Variants in SYNJ2BP observed in about 807,000 individuals in gnomAD.
The protein encoded by SYNJ2BP is synaptojanin-2-binding protein.
Under a neutral mutation model 16.9 loss-of-function variants are expected in SYNJ2BP, and 10 were observed. That is an observed-to-expected ratio of 0.59 (90% confidence interval 0.36 to 1.00). The LOEUF (loss-of-function observed/expected upper bound fraction) is 1.00. SYNJ2BP is among the 50% of genes least tolerant of loss of function. The pLI is 0.01. For synonymous variants in SYNJ2BP, 54 were observed against 68.4 expected, an observed-to-expected ratio of 0.79 and a Z score of 1.04; for missense variants, 162 against 186.7, an observed-to-expected ratio of 0.87 and a Z score of 0.77.
chr14:70,397,269 T>A (rs959855725), intron 1 of SYNJ2BP, among the ~76,000 whole-genome samples: 3 of 152,160 alleles, frequency 2.0e-5, no homozygotes, highest in African/African-American at 7.2e-5. Flanking sequence ...GTGTTCTATA[T>A]ATATATATAC....
intron 1 of SYNJ2BP, among the ~76,000 whole-genome samples, chr14:70,412,673 A>G (rs995282874): frequency 9.3e-5 from 14 of 151,294 alleles, no homozygotes; most frequent in Non-Finnish European, 4.4e-5. Context: ...TTTAGTATTC[A>G]TTATTAAAAC....
At chr14:70,392,981 C>G (rs1175525881) in intron 1 of SYNJ2BP, among the ~76,000 whole-genome samples, 1 of 152,122 alleles carries the variant, frequency 6.6e-6, no homozygotes, top group Non-Finnish European at 1.5e-5. Context: ...AATTAAAGAG[C>G]TTTTGCTCAG....
intron 1 of SYNJ2BP, among the ~76,000 whole-genome samples, chr14:70,398,206 A>G (rs1302045480): frequency 6.6e-6 from 1 of 152,162 alleles, no homozygotes; most frequent in Admixed American, 6.5e-5. Flanking sequence ...CGACTGGTCC[A>G]TGGGCAGCCA....
At chr14:70,376,824 T>C (rs957932800) in intron 2 of SYNJ2BP, among the ~76,000 whole-genome samples, 5 of 152,226 alleles carry the variant, frequency 3.3e-5, no homozygotes, top group South Asian at 2.1e-4. Flanking sequence ...TGCACTGTTA[T>C]TCTTCCATCT....
intron 2 of SYNJ2BP, among the ~76,000 whole-genome samples, chr14:70,384,711 C>T (rs1279522708): frequency 6.9e-6 from 1 of 144,030 alleles, no homozygotes; most frequent in Non-Finnish European, 1.5e-5. Context: ...CTTCCCCCTA[C>T]TCTCTCTCTC....
intron 1 of SYNJ2BP, among the ~76,000 whole-genome samples, chr14:70,395,002 A>T (rs1888060301): frequency 6.6e-6 from 1 of 152,216 alleles, no homozygotes; most frequent in Non-Finnish European, 1.5e-5. Flanking sequence ...TCTTTGCAGA[A>T]AATATAAACT....
In SYNJ2BP at chr14:70,372,057, T is replaced by A. The variant is rs1188286497; in HGVS notation, c.*934A>T. On this transcript the variant is annotated 3_prime_UTR_variant, in exon 4 of 4. Coordinates refer to ENST00000256366, the MANE Select transcript of SYNJ2BP (RefSeq NM_018373.3). ...CGCTGGATTATGGCAATTTACCTTA[T>A]AATAACTCACCATAGTTGGCTGTTA... 6.6e-6 allele frequency: 1 copy of A among 152,224 alleles called. No homozygotes were observed. Among genetic ancestry groups the A allele is most frequent in the Non-Finnish European group, 1.5e-5 (1 of 68,038 alleles). The allele number at this position is 152,224 out of a possible 1,614,324, so 9.4% of individuals were successfully genotyped here.
intron 1 of SYNJ2BP, among the ~76,000 whole-genome samples, chr14:70,390,543 C>T (rs1226354335): frequency 1.3e-5 from 2 of 152,048 alleles, no homozygotes; most frequent in Non-Finnish European, 2.9e-5. Context: ...TGGCAGGCAC[C>T]TGTAGTCCCA....
At chr14:70,383,457 A>G (rs577939108) in intron 2 of SYNJ2BP, among the ~76,000 whole-genome samples, 1 of 152,314 alleles carries the variant, frequency 6.6e-6, no homozygotes, top group African/African-American at 2.4e-5. Flanking sequence ...TCATTCACCA[A>G]ATTAAAAACT....
intron 2 of SYNJ2BP, among the ~76,000 whole-genome samples, chr14:70,382,273 T>C (rs758113693): frequency 1.3e-5 from 2 of 152,102 alleles, no homozygotes; most frequent in African/African-American, 4.8e-5. Flanking sequence ...TGTTTATTTT[T>C]TAAAAAGTGA....
At chr14:70,393,405 G>T (rs1421273481) in intron 1 of SYNJ2BP, among the ~76,000 whole-genome samples, 1 of 152,160 alleles carries the variant, frequency 6.6e-6, no homozygotes, top group Admixed American at 6.5e-5. Context: ...GATTCCTCAA[G>T]GATCTAGAAG....
intron 1 of SYNJ2BP, among the ~76,000 whole-genome samples, chr14:70,405,869 G>A (rs1346744930): frequency 6.6e-6 from 1 of 152,102 alleles, no homozygotes; most frequent in East Asian, 1.9e-4. Context: ...GTCTTTATTA[G>A]GTCTTTTGAT....
chr14:70,415,223 T>G (rs1194825599), intron 1 of SYNJ2BP, among the ~76,000 whole-genome samples: 1 of 148,962 alleles, frequency 6.7e-6, no homozygotes, highest in African/African-American at 2.5e-5. Context: ...TATATTCCGA[T>G]AAGTAAAACC....
At chr14:70,393,451 GGTAT>G (rs1888021994) in intron 1 of SYNJ2BP, among the ~76,000 whole-genome samples, 1 of 152,050 alleles carries the variant, frequency 6.6e-6, no homozygotes, top group African/African-American at 2.4e-5. Context: ...CCCATTACTG[GGTAT>G]ATACCCAAAG....
At chr14:70,397,000 T>A (rs749925492) in intron 1 of SYNJ2BP, among the ~76,000 whole-genome samples, 7 of 152,208 alleles carry the variant, frequency 4.6e-5, no homozygotes, top group Non-Finnish European at 1.0e-4. Context: ...TGAAGCCCGG[T>A]TTATCTTTTG....
At chr14:70,381,136 T>C (rs925505236) in intron 2 of SYNJ2BP, among the ~76,000 whole-genome samples, 2 of 152,216 alleles carry the variant, frequency 1.3e-5, no homozygotes, top group African/African-American at 4.8e-5. Flanking sequence ...TGGATTCTAA[T>C]AGTAGCTTTA....
intron 1 of SYNJ2BP, among the ~76,000 whole-genome samples, chr14:70,394,077 C>T (rs572760290): frequency 4.7e-5 from 7 of 149,712 alleles, no homozygotes; most frequent in African/African-American, 1.5e-4. Context: ...GAGACAGAAA[C>T]CTATTACAGC....
rs1594941087 is a variant in SYNJ2BP at position 70,375,693 on chromosome 14, G to A, written c.280C>T (p.Leu94=). 2 of 1,614,066 alleles carry A rather than the reference G, an allele frequency of 1.2e-6. No homozygotes were observed. The highest frequency in any genetic ancestry group is 2.2e-5 in the East Asian group (1 of 44,880). The change falls in exon 3 of 4, where the codon CTG becomes TTG. Residue 94 remains leucine, a synonymous_variant. Transcript: ENST00000256366. ...LFRNAGYAVS[L]RVQHRLQVQN... The stretch of plus-strand genomic sequence containing the variant: ...ATACCTACCCTGTGCTGCACTCTCA[G>A]AGACACAGCATAGCCTGCATTACGA...
intron 1 of SYNJ2BP, among the ~76,000 whole-genome samples, chr14:70,413,936 G>A (rs1225013109): frequency 6.6e-6 from 1 of 152,176 alleles, no homozygotes; most frequent in Non-Finnish European, 1.5e-5. Context: ...AGTGGGCAAT[G>A]CTGCCTACAA....
Sources: gnomAD v4.1 joint callset for allele counts (sites outside exome capture counted in the v4.1 genomes callset) on GRCh38, gnomAD v4.1.1 for gene constraint, MANE v1.5 for transcripts, NCBI Gene and HGNC (gene_info 2026-07-23, HGNC 2026-07-21) for gene names.